The following CEP135 variants were observed in gnomAD, a reference collection of about 807,000 sequenced individuals.
CEP135 encodes centrosomal protein 135.
A neutral mutation model predicts 157.3 loss-of-function variants in CEP135; 142 were observed. The ratio of observed to expected loss-of-function variants is 0.90; its 90% CI spans 0.79 to 1.04. The LOEUF is 1.04. CEP135 is among the 50% of genes least tolerant of loss of function. The pLI is 0.00. For missense variants in CEP135, 1,317 were observed against 1,309.2 expected (o/e 1.01, Z -0.09); for synonymous variants, 396 against 439.8 (o/e 0.90, Z 1.25).
chr4:56,024,195 AT>A (rs1240901807), intron 24 of CEP135, among the ~76,000 whole-genome samples: 1 of 148,228 alleles, frequency 6.7e-6, no homozygotes, highest in East Asian at 2.0e-4. Context: ...TCTTTGTATG[AT>A]TTTTAAGTAG....
chr4:56,016,151 G>C (rs2611826), intron 21 of CEP135, among the ~76,000 whole-genome samples: 82,340 of 151,858 alleles, frequency 0.54, 22,583 homozygotes, highest in African/African-American at 0.62. Context: ...GTCTGCAAGT[G>C]AGTGAACACC....
rs370949834 is a variant in CEP135, at chr4:56,009,843, C to T, written c.2445C>T (p.Ile815=). The T allele has an allele frequency of 1.5e-5, 25 of 1,613,830 alleles. No homozygotes were observed. Among genetic ancestry groups the T allele is most frequent in the South Asian group, 1.4e-4 (13 of 91,034 alleles). The change falls in exon 19 of 26, where the codon ATC becomes ATT. Residue 815 remains isoleucine (I), a synonymous_variant. Transcript: ENST00000257287. The stretch of plus-strand genomic sequence containing the variant: ...ATGAAGTAGGAAGATCTAGAGAAAT[C>T]GCTTTTAAGGAAAACAGAAGACTGC... ...ELDEVGRSRE[I]AFKENRRLQD...
At chr4:55,955,633 T>C (rs551346217) in intron 4 of CEP135, among the ~76,000 whole-genome samples, 19 of 152,328 alleles carry the variant, frequency 1.2e-4, no homozygotes, top group African/African-American at 4.6e-4. Context: ...AAGAATGGGA[T>C]AGACTCCGGA....
chr4:55,964,342 C>T lies in CEP135; in HGVS notation c.768C>T (p.Val256=), dbSNP rs769509715. The change falls in exon 7 of 26, where the codon GTC becomes GTT. Residue 256 remains valine, a synonymous_variant. Coordinates refer to ENST00000257287, the MANE Select transcript of CEP135 (RefSeq NM_025009.5). ...TGGATGGTGGTCGGTCCCCTGATGTCCTTTCTCTGGAGTCTAGAAATAAAA... is the reference window on the plus strand; with the variant it reads ...TGGATGGTGGTCGGTCCCCTGATGTTCTTTCTCTGGAGTCTAGAAATAAAA... ...VALDGGRSPD[V]LSLESRNKTN... The T allele has an allele frequency of 1.9e-6, 3 of 1,613,174 alleles. No individual in the cohort carries two copies. In the African/African-American group the frequency reaches 4.0e-5, roughly 22 times the overall value.
chr4:55,965,937 T>A (rs567998838), intron 8 of CEP135, 78 bp downstream of exon 8: 1 of 1,226,384 alleles, frequency 8.2e-7, no homozygotes, highest in South Asian at 1.4e-5. Context: ...CCTTTTGATA[T>A]CTGCATTCAG....
chr4:55,986,405 G>T (rs1247667342), intron 14 of CEP135, among the ~76,000 whole-genome samples: 1 of 152,102 alleles, frequency 6.6e-6, no homozygotes, highest in African/African-American at 2.4e-5. Context: ...GGCCAGGCAT[G>T]GTGGCATGCA....
In CEP135 at chr4:55,953,098, A is replaced by G; in HGVS notation, c.127A>G (p.Thr43Ala). 1.3e-6 allele frequency: 2 copies of G among 1,576,856 alleles called. No individual in the cohort carries two copies. The highest frequency in any genetic ancestry group is 1.7e-6 in the Non-Finnish European group (2 of 1,169,138). The stretch of plus-strand genomic sequence containing the variant: ...CTGTTCTTTTAGCGACTTAGTTCAT[A>G]CAACTGAGAGCCTTCGGCAATCAAA... The part of the protein sequence containing the change: ...VEKLFSDLVH[T>A]TESLRQSKLS... The change falls in exon 3 of 26, where the codon ACA (threonine) becomes GCA (alanine). Residue 43 changes from threonine to alanine, a missense_variant. By Grantham distance (58) the Thr-to-Ala change is moderately conservative. Transcript: ENST00000257287.
At chr4:56,000,190 T>TAAAG (rs996816116) in intron 17 of CEP135, among the ~76,000 whole-genome samples, 1 of 152,084 alleles carries the variant, frequency 6.6e-6, no homozygotes, top group Non-Finnish European at 1.5e-5. Context: ...ACCCTGCCTC[T>TAAAG]AAATAAATAA....
At chr4:55,986,793 C>A (rs1296050540) in intron 14 of CEP135, among the ~76,000 whole-genome samples, 2 of 152,140 alleles carry the variant, frequency 1.3e-5, no homozygotes, top group Non-Finnish European at 2.9e-5. Flanking sequence ...GTTTGTCAAC[C>A]TTTGATGTGT....
At chr4:56,029,856 C>T (rs919552186) in intron 25 of CEP135, among the ~76,000 whole-genome samples, 1 of 152,136 alleles carries the variant, frequency 6.6e-6, no homozygotes, top group Non-Finnish European at 1.5e-5. Context: ...CTGGAAGTTG[C>T]TCTGGGTGAG....
intron 7 of CEP135, 31 bp from the exon 8 acceptor site, chr4:55,965,613 A>G (rs1305477464): frequency 6.7e-7 from 1 of 1,491,134 alleles, no homozygotes; most frequent in East Asian, 2.3e-5. Context: ...TTTCCAATTC[A>G]TATACCTCAT....
chr4:55,984,872 C>T lies in CEP135; in HGVS notation c.1780-409C>T, dbSNP rs148950664. Among the ~76,000 whole-genome samples, 649 of 152,264 alleles carry T rather than the reference C, an allele frequency of 4.3e-3. 3 individuals carry two copies. Among genetic ancestry groups the T allele is most frequent in the Admixed American group, 0.013 (199 of 15,296 alleles). ...GCATGGCCTTGTAGTATTGTGTTTCCTGTGTCTTTCTGATCTTGTCTTCCT... is the reference window on the plus strand; with the variant it reads ...GCATGGCCTTGTAGTATTGTGTTTCTTGTGTCTTTCTGATCTTGTCTTCCT... On this transcript the variant is annotated intron_variant, in intron 13 of 25. Transcript: ENST00000257287.
At chr4:55,967,824 C>T (rs921706866) in intron 8 of CEP135, among the ~76,000 whole-genome samples, 1 of 152,104 alleles carries the variant, frequency 6.6e-6, no homozygotes, top group Non-Finnish European at 1.5e-5. Context: ...AACAATCATA[C>T]TCAGTGGTGA....
At chr4:55,996,953 T>C (rs1729989871) in intron 15 of CEP135, among the ~76,000 whole-genome samples, 2 of 152,204 alleles carry the variant, frequency 1.3e-5, no homozygotes, top group African/African-American at 4.8e-5. Flanking sequence ...CTCAAAGAGA[T>C]GGACCTCTAC....
intron 25 of CEP135, among the ~76,000 whole-genome samples, chr4:56,030,851 C>T (rs1326475472): frequency 1.3e-5 from 2 of 152,030 alleles, no homozygotes; most frequent in Non-Finnish European, 2.9e-5. Flanking sequence ...CTTTTTTAAA[C>T]AAAAGTATAA....
At chr4:55,954,008 T>C (rs937239981) in intron 3 of CEP135, among the ~76,000 whole-genome samples, 7 of 152,232 alleles carry the variant, frequency 4.6e-5, no homozygotes, top group Non-Finnish European at 1.0e-4. Flanking sequence ...ATACAGTAGC[T>C]GAAAAATGAA....
intron 24 of CEP135, among the ~76,000 whole-genome samples, chr4:56,023,656 T>C (rs1731044090): frequency 6.9e-6 from 1 of 144,012 alleles, no homozygotes; most frequent in African/African-American, 2.5e-5. Flanking sequence ...ATACATATAA[T>C]ATATAATATA....
intron 14 of CEP135, 27 bp from the exon 15 acceptor site, chr4:55,991,907 C>T (rs1487177323): frequency 8.3e-7 from 1 of 1,208,500 alleles, no homozygotes; most frequent in South Asian, 1.5e-5. Flanking sequence ...AAGATATATA[C>T]CTACTGTTTT....
At chr4:55,952,736 T>A (rs1728395827) in intron 2 of CEP135, among the ~76,000 whole-genome samples, 1 of 152,234 alleles carries the variant, frequency 6.6e-6, no homozygotes, top group African/African-American at 2.4e-5. Flanking sequence ...GTCTGTATCC[T>A]ATGGCTCCTA....
Sources: allele counts gnomAD v4.1 joint callset (sites outside exome capture counted in the v4.1 genomes callset), GRCh38; gene constraint gnomAD v4.1.1; transcripts MANE v1.5; gene names NCBI Gene and HGNC (gene_info 2026-07-23, HGNC 2026-07-21).